The following NDUFA11 variants were observed in gnomAD, a reference collection of about 807,000 sequenced individuals.
NDUFA11 encodes NADH:ubiquinone oxidoreductase subunit A11, also known as NADH dehydrogenase [ubiquinone] 1 alpha subcomplex subunit 11.
NDUFA11 carries 14 observed loss-of-function variants against 11.3 expected under a neutral mutation model. The observed-to-expected ratio is 1.24, with a 90% CI of 0.82 to 1.94. The LOEUF is 1.94. Ranked by LOEUF, NDUFA11 falls within the 30% of genes most tolerant of loss-of-function variation. NDUFA11 has a pLI of 0.00. For synonymous variants in NDUFA11, 87 were observed against 85.6 expected (o/e 1.02, Z -0.09); for missense variants, 204 against 200.3 (o/e 1.02, Z -0.11).
chr19:5,892,992 C>T, downstream of NDUFA11: 1 of 1,524,662 alleles, frequency 6.6e-7, no homozygotes, highest in Middle Eastern at 1.7e-4. Flanking sequence ...GGGCCCCTGC[C>T]CCTCTGGGTG....
In NDUFA11 at chr19:5,901,467, G is replaced by A. The variant is rs888942970; in HGVS notation, c.97+2145C>T. ...CTTCAGTCCCTACCTGTAAGAAATG[G>A]AGACACAATAACGTCTGTCTTACTA... On this transcript the variant is annotated intron_variant, in intron 1 of 3. Coordinates refer to ENST00000308961, the MANE Select transcript of NDUFA11 (RefSeq NM_175614.5). The A allele has an allele frequency of 2.3e-6, 3 of 1,285,608 alleles. No individual in the cohort carries two copies. The African/African-American group carries it at 4.6e-5, about 20-fold the overall frequency. 79.6% of individuals were successfully genotyped at this position (1,285,608 alleles called of 1,614,324 possible). A position where few individuals can be genotyped will look rare whatever the true frequency, so the allele number is the denominator to read the frequency against.
downstream of NDUFA11, among the ~76,000 whole-genome samples, chr19:5,894,173 G>T (rs2057593268): frequency 6.6e-6 from 1 of 152,244 alleles, no homozygotes; most frequent in Admixed American, 6.5e-5. Context: ...AGCCCCAGGG[G>T]CTGCGAGTGA....
chr19:5,893,225 A>G, downstream of NDUFA11: 2 of 1,532,638 alleles, frequency 1.3e-6, no homozygotes, highest in Non-Finnish European at 1.7e-6. This position sits in a 1 kb window ranked among gnomAD's most constrained non-coding sequence, Gnocchi z 4.1. Context: ...TGGGAGGCTG[A>G]GGTGTGAGGA....
intron 3 of NDUFA11, chr19:5,895,911 T>C (rs913103028): frequency 2.8e-5 from 5 of 175,462 alleles, no homozygotes; most frequent in Non-Finnish European, 4.9e-5. Context: ...AAAGTGAAGG[T>C]TGCGGGGGCA....
At chr19:5,895,106 G>A in intron 3 of NDUFA11, 1 of 529,508 alleles carries the variant, frequency 1.9e-6, no homozygotes, top group South Asian at 2.3e-5. Flanking sequence ...GCCCCACACT[G>A]ACTTCCCCCT....
chr19:5,892,577 A>C, downstream of NDUFA11: 6 of 210,446 alleles, frequency 2.9e-5, no homozygotes, highest in Non-Finnish European at 5.8e-5. Flanking sequence ...ATGCATGGGA[A>C]GGAAGGGGGA....
chr19:5,894,540 A>G, downstream of NDUFA11: 1 of 1,089,316 alleles, frequency 9.2e-7, no homozygotes, highest in Non-Finnish European at 1.3e-6. Context: ...CCAGGCTGGT[A>G]CCCTTGGCAG....
intron 1 of NDUFA11, among the ~76,000 whole-genome samples, chr19:5,901,828 C>A (rs1231306216): frequency 6.6e-6 from 1 of 151,896 alleles, no homozygotes. Context: ...CACCACCACG[C>A]CCGGCTAATT....
chr19:5,893,232 A>G, downstream of NDUFA11: 1 of 1,531,032 alleles, frequency 6.5e-7, no homozygotes, highest in South Asian at 1.2e-5. This position sits in a 1 kb window ranked among gnomAD's most constrained non-coding sequence, Gnocchi z 4.1. Context: ...CTGAGGTGTG[A>G]GGACTGCTCG....
intron 3 of NDUFA11, chr19:5,895,981 C>G (rs997683669): frequency 7.3e-5 from 17 of 233,660 alleles, no homozygotes; most frequent in East Asian, 8.5e-5. Flanking sequence ...TCCATCCATC[C>G]TCCTCTCTGA....
At chr19:5,893,579 G>A (rs1039619895), downstream of NDUFA11, among the ~76,000 whole-genome samples, 9 of 152,038 alleles carry the variant, frequency 5.9e-5, no homozygotes, top group African/African-American at 2.2e-4. The surrounding 1 kb of genome is among the most constrained non-coding windows in gnomAD (Gnocchi z 4.1). Flanking sequence ...GAGATTACAG[G>A]CTCAAACCAC....
rs1046519920 is a variant in NDUFA11 at position 5,896,275 on chromosome 19, G to A, written c.313+178C>T. On this transcript the variant is annotated intron_variant, in intron 3 of 3. Transcript: ENST00000308961. The surrounding 1 kb of genome is among the most constrained non-coding windows in gnomAD (Gnocchi z 5.8). The stretch of plus-strand genomic sequence containing the variant: ...GAGGGGACAGGGCAGGTCAGGGAGG[G>A]CCACAGTAGGTGCTTAAGCAGCAGC... 4.1e-6 allele frequency: 3 copies of A among 724,774 alleles called. No individual in the cohort carries two copies. Among genetic ancestry groups the A allele is most frequent in the African/African-American group, 1.8e-5 (1 of 56,282 alleles). 44.9% of individuals were successfully genotyped at this position (724,774 alleles called of 1,614,324 possible).
At position 5,903,643 on chromosome 19, in the gene NDUFA11, G is replaced by A; in HGVS notation, c.66C>T (p.Ala22=). 6.4e-7 allele frequency: 1 copy of A among 1,551,434 alleles called. No individual in the cohort carries two copies. Among genetic ancestry groups the A allele is most frequent in the South Asian group, 1.2e-5 (1 of 84,066 alleles). The part of the protein sequence containing the change: ...IPDGTDCHRK[A]YSTTSIASVA... ...CGCTGGCAATACTGGTGGTGCTGTA[G>A]GCTTTGCGGTGGCAATCGGTGCCAT... The change falls in exon 1 of 4, where the codon GCC becomes GCT. Residue 22 remains alanine (A), a synonymous_variant. Coordinates refer to ENST00000308961, the MANE Select transcript of NDUFA11 (RefSeq NM_175614.5).
rs1351748097 is a variant in NDUFA11, at chr19:5,894,780, G to T, written c.388C>A (p.Leu130Met). 1.2e-6 allele frequency: 2 copies of T among 1,613,696 alleles called. No individual in the cohort carries two copies. Among genetic ancestry groups the T allele is most frequent in the Non-Finnish European group, 1.7e-6 (2 of 1,179,872 alleles). Residue 130 changes from leucine to methionine, a missense_variant, in exon 4 of 4, where the codon CTG becomes ATG. Transcript: ENST00000308961. ...IAASLVKMGR[L>M]EGWEVFAKPK... ...TTTGCAAACACCTCCCAGCCCTCCA[G>T]CCGGCCCATCTTGACCAGGGAGGCC... is the stretch of plus-strand genomic sequence containing the variant.
rs1426847528 is a variant in NDUFA11 at position 5,897,006 on chromosome 19, CAG to C, written c.98-11_98-10del. Reference sequence around the variant, plus strand: ...GGCAGCGGCGGTCAGGCCTGCGAGACAGAGGAGGGAGGCTGTTCAGACCCCAC... The same window carrying C: ...GGCAGCGGCGGTCAGGCCTGCGAGACAGGAGGGAGGCTGTTCAGACCCCAC... On this transcript the variant is annotated splice_polypyrimidine_tract_variant and intron_variant, in intron 1 of 3. Coordinates refer to ENST00000308961, the MANE Select transcript of NDUFA11 (RefSeq NM_175614.5). 1 of 1,612,584 alleles carries C rather than the reference CAG, an allele frequency of 6.2e-7. No individual in the cohort carries two copies. The highest frequency in any genetic ancestry group is 8.5e-7 in the Non-Finnish European group (1 of 1,178,726).
At chr19:5,902,779 T>C (rs548223209) in intron 1 of NDUFA11, 1 of 152,530 alleles carries the variant, frequency 6.6e-6, no homozygotes, top group South Asian at 2.1e-4. Flanking sequence ...GAGCCCGAGA[T>C]GGGCGGATGG....
chr19:5,901,050 TCTC>T (rs1408871043), intron 1 of NDUFA11, among the ~76,000 whole-genome samples: 1 of 151,880 alleles, frequency 6.6e-6, no homozygotes, highest in Non-Finnish European at 1.5e-5. Flanking sequence ...CCATCAGCGA[TCTC>T]CTGACATGGC....
intron 1 of NDUFA11, among the ~76,000 whole-genome samples, chr19:5,901,870 A>T (rs2057648025): frequency 6.6e-6 from 1 of 151,326 alleles, no homozygotes; most frequent in South Asian, 2.1e-4. Flanking sequence ...ACGGGTTTTC[A>T]CCGTGTTAGC....
intron 1 of NDUFA11, among the ~76,000 whole-genome samples, chr19:5,901,692 C>T (rs1460935687): frequency 5.3e-5 from 8 of 149,596 alleles, no homozygotes; most frequent in Non-Finnish European, 1.2e-4. Context: ...CTTTTTGAGA[C>T]GGAGTCTTGC....
Sources: allele counts gnomAD v4.1 joint callset (sites outside exome capture counted in the v4.1 genomes callset), GRCh38; gene constraint gnomAD v4.1.1; non-coding constraint Gnocchi (gnomAD v3.1); transcripts MANE v1.5; gene names NCBI Gene and HGNC (gene_info 2026-07-23, HGNC 2026-07-21).